Variants in MATN2 observed in about 807,000 individuals in gnomAD.
The protein encoded by MATN2 is matrilin 2.
Under a neutral mutation model 103.2 loss-of-function variants are expected in MATN2, and 69 were observed. The observed-to-expected ratio is 0.67, with a 90% CI of 0.55 to 0.82. The LOEUF (loss-of-function observed/expected upper bound fraction) is 0.82, where lower values mean the gene tolerates loss of function less well. Ranked by LOEUF, MATN2 falls within the 40% of genes least tolerant of loss-of-function variation. The pLI is 0.00. For synonymous variants in MATN2, 429 were observed against 450.2 expected (o/e 0.95, Z 0.60); for missense variants, 1,023 against 1,211.5 (o/e 0.84, Z 2.31).
At chr8:97,970,409 C>G (rs559725937) in intron 5 of MATN2, among the ~76,000 whole-genome samples, 1 of 152,204 alleles carries the variant, frequency 6.6e-6, no homozygotes, top group Non-Finnish European at 1.5e-5. Context: ...GTCCTGCCTC[C>G]TACCTCACAG....
At chr8:97,876,582 C>T (rs1279381688) in intron 1 of MATN2, among the ~76,000 whole-genome samples, 1 of 152,144 alleles carries the variant, frequency 6.6e-6, no homozygotes, top group Non-Finnish European at 1.5e-5. Flanking sequence ...GCTCAGCCTC[C>T]CAAAGTGCTA....
In MATN2 at chr8:97,927,327, T is replaced by A. The variant is rs920586506; in HGVS notation, c.143-3626T>A. 7.4e-5 allele frequency among the ~76,000 whole-genome samples: 5 copies of A among 67,656 alleles called. 1 individual carries two copies. The highest frequency in any genetic ancestry group is 2.3e-4 in the African/African-American group (5 of 22,160). 44.4% of individuals were successfully genotyped at this position (67,656 alleles called of 152,430 possible). ...CCCAGCTAATTTTGTATTATTATTA[T>A]TTTTTTTTTTTTAGTAGAGATGGGG... On this transcript the variant is annotated intron_variant, in intron 2 of 18. Transcript: ENST00000254898.
chr8:97,942,811 G>A (rs1810612924), intron 4 of MATN2, among the ~76,000 whole-genome samples: 2 of 152,208 alleles, frequency 1.3e-5, no homozygotes, highest in Admixed American at 6.5e-5. Context: ...TGTAATTAGT[G>A]TCACATTTAT....
chr8:97,980,282 G>C (rs1360270567), intron 6 of MATN2, among the ~76,000 whole-genome samples: 4 of 152,206 alleles, frequency 2.6e-5, no homozygotes, highest in Non-Finnish European at 5.9e-5. Flanking sequence ...GAATGAGTGG[G>C]CTGCTGTGTT....
chr8:98,011,071 G>A (rs1210447756), intron 10 of MATN2, among the ~76,000 whole-genome samples: 1 of 152,186 alleles, frequency 6.6e-6, no homozygotes, highest in Non-Finnish European at 1.5e-5. Flanking sequence ...GTTCTGGTGA[G>A]GGCCCTCTTC....
chr8:97,983,150 T>C (rs1338340518), intron 6 of MATN2, among the ~76,000 whole-genome samples: 1 of 152,228 alleles, frequency 6.6e-6, no homozygotes. Flanking sequence ...TCCTTTGCCG[T>C]CTAACATATT....
chr8:97,961,322 C>G (rs1811307868), intron 4 of MATN2, 86 bp from the exon 5 acceptor site: 1 of 1,386,916 alleles, frequency 7.2e-7, no homozygotes, highest in Non-Finnish European at 9.7e-7. Flanking sequence ...GGTGAGGGCT[C>G]TGGAGTTCCC....
rs537142498 is a variant in MATN2 at position 97,937,526 on chromosome 8, C to T, written c.713-4251C>T. ...ACATGGCCAAAATAAGCCTTAGTAA[C>T]AAGCTGTCATTCTGAAACCCAATGC... On this transcript the variant is annotated intron_variant, in intron 3 of 18. Coordinates refer to ENST00000254898, the MANE Select transcript of MATN2 (RefSeq NM_002380.5). Among the ~76,000 whole-genome samples the T allele has an allele frequency of 6.9e-4, 103 of 150,158 alleles. 3 individuals carry two copies. The South Asian group carries it at 0.022, about 32-fold the overall frequency.
rs1162911440 is a variant in MATN2 at position 97,930,941 on chromosome 8, C to T, written c.143-12C>T. 6.3e-7 allele frequency: 1 copy of T among 1,589,734 alleles called. No homozygotes were observed. Among genetic ancestry groups the T allele is most frequent in the Admixed American group, 1.7e-5 (1 of 59,002 alleles). The stretch of plus-strand genomic sequence containing the variant: ...TCTCTTCTAATGTATTTGACCTCTC[C>T]TCTTTCCCCAGAGAGTTCCTGTGAG... On this transcript the variant is annotated splice_polypyrimidine_tract_variant and intron_variant, in intron 2 of 18. Coordinates refer to ENST00000254898, the MANE Select transcript of MATN2 (RefSeq NM_002380.5).
intron 12 of MATN2, 103 bp downstream of exon 12, chr8:98,018,219 A>C: frequency 6.9e-7 from 1 of 1,444,334 alleles, no homozygotes; most frequent in Non-Finnish European, 9.5e-7. Flanking sequence ...CACTGTCACA[A>C]GTGTCAGTTC....
intron 2 of MATN2, among the ~76,000 whole-genome samples, chr8:97,923,192 C>G (rs1453275202): frequency 6.6e-6 from 1 of 151,596 alleles, no homozygotes; most frequent in Admixed American, 6.6e-5. Context: ...CTCTCTCTCT[C>G]TGTTCTTCTC....
Position 97,976,738 on chromosome 8 carries a change from AC to A in MATN2, c.959-2147del, listed in dbSNP as rs201103672. On this transcript the variant is annotated intron_variant, in intron 5 of 18. Transcript: ENST00000254898. The stretch of plus-strand genomic sequence containing the variant: ...TCCCAAGTAGCTGGGATTTCCAAAA[AC>A]TTTTTTTTTTTTGAGACAGGGTCTT... Among the ~76,000 whole-genome samples the A allele has an allele frequency of 6.6e-3, 958 of 144,954 alleles. 13 individuals are homozygous for A. The highest frequency in any genetic ancestry group is 0.022 in the African/African-American group (911 of 40,732).
At chr8:97,973,442 A>G (rs1266891413) in intron 5 of MATN2, among the ~76,000 whole-genome samples, 3 of 152,220 alleles carry the variant, frequency 2.0e-5, no homozygotes, top group Non-Finnish European at 2.9e-5. Flanking sequence ...AAAAAACTAT[A>G]TATGCAAACC....
intron 7 of MATN2, among the ~76,000 whole-genome samples, chr8:98,003,083 A>G (rs926954461): frequency 2.6e-5 from 4 of 150,998 alleles, no homozygotes; most frequent in Non-Finnish European, 5.9e-5. Flanking sequence ...ATTTGTGTTC[A>G]CTGTCCCCTC....
chr8:98,009,441 G>A lies in MATN2; in HGVS notation c.1573+1840G>A, dbSNP rs141730972. Among the ~76,000 whole-genome samples the A allele has an allele frequency of 2.6e-5, 4 of 152,202 alleles. No homozygotes were observed. The East Asian group carries it at 7.7e-4, about 29-fold the overall frequency. On this transcript the variant is annotated intron_variant, in intron 10 of 18. Transcript: ENST00000254898. ...GTCAGGCCTGGCTCAGCAGATAAGA[G>A]TGTCCTTGGCTCTTTATAGAGGCAG...
chr8:97,882,604 T>A (rs929711232), intron 1 of MATN2, among the ~76,000 whole-genome samples: 1 of 152,138 alleles, frequency 6.6e-6, no homozygotes, highest in Non-Finnish European at 1.5e-5. Flanking sequence ...GATTTCGCCA[T>A]GTTGCCCAGG....
At chr8:97,935,772 G>A (rs1036409578) in intron 3 of MATN2, among the ~76,000 whole-genome samples, 1 of 152,232 alleles carries the variant, frequency 6.6e-6, no homozygotes, top group African/African-American at 2.4e-5. Flanking sequence ...ACAGACATGA[G>A]CCACTGTGCC....
intron 18 of MATN2, chr8:98,034,226 C>T (rs1302145990): frequency 2.2e-6 from 1 of 455,106 alleles, no homozygotes; most frequent in Admixed American, 2.4e-5. Context: ...ACCAAGGGAA[C>T]AGCAGGATCC....
intron 7 of MATN2, among the ~76,000 whole-genome samples, chr8:97,998,091 A>T (rs1812651184): frequency 1.3e-5 from 2 of 148,972 alleles, no homozygotes; most frequent in South Asian, 4.5e-4. Flanking sequence ...AAGTGCTGGG[A>T]TTACAGGCAT....
Sources: allele counts gnomAD v4.1 joint callset (sites outside exome capture counted in the v4.1 genomes callset), GRCh38; gene constraint gnomAD v4.1.1; transcripts MANE v1.5; gene names NCBI Gene and HGNC (gene_info 2026-07-23, HGNC 2026-07-21).